TFRC: variants seen among roughly 807,000 people sequenced by gnomAD.
TFRC encodes transferrin receptor.
Under a neutral mutation model 85.8 loss-of-function variants are expected in TFRC, and 35 were observed. That is an observed-to-expected ratio of 0.41 (90% CI 0.31 to 0.54). The LOEUF (loss-of-function observed/expected upper bound fraction) is 0.54. TFRC is among the 20% of genes least tolerant of loss of function. The probability of loss-of-function intolerance (pLI) is 0.31; values close to 1 mark genes in which losing one functional copy is unlikely to be tolerated. For synonymous variants in TFRC, 362 were observed against 328.6 expected, an observed-to-expected ratio of 1.10 and a Z score of -1.10; for missense variants, 828 against 921.5, an observed-to-expected ratio of 0.90 and a Z score of 1.31.
In TFRC at chr3:196,051,157, A is replaced by G. The variant is rs770669857; in HGVS notation, c.*785T>C. Reference sequence around the variant, plus strand: ...GCATATTATTCTTTAAAGTCTGACAAACTGAGTCTGCAACTAAACACCTGA... The same window carrying G: ...GCATATTATTCTTTAAAGTCTGACAGACTGAGTCTGCAACTAAACACCTGA... On this transcript the variant is annotated 3_prime_UTR_variant, in exon 19 of 19. Transcript: ENST00000360110. 1 of 216,370 alleles carries G rather than the reference A, an allele frequency of 4.6e-6. No homozygotes were observed. Among genetic ancestry groups the G allele is most frequent in the Non-Finnish European group, 9.3e-6 (1 of 107,236 alleles). 13.4% of individuals were successfully genotyped at this position (216,370 alleles called of 1,614,324 possible).
rs2108646879 is a variant in TFRC at position 196,065,533 on chromosome 3, T to C, written c.1108A>G (p.Ser370Gly). 1.2e-6 allele frequency: 2 copies of C among 1,612,830 alleles called. No individual in the cohort carries two copies. Among genetic ancestry groups the C allele is most frequent in the South Asian group, 1.1e-5 (1 of 90,968 alleles). ...DSTCRMVTSE[S>G]KNVKLTVSNV... ...CTCACAGTGAGCTTCACATTCTTGCTTTCTGAGGTTACCATCCTACATGTA... is the reference window on the plus strand; with the variant it reads ...CTCACAGTGAGCTTCACATTCTTGCCTTCTGAGGTTACCATCCTACATGTA... The change falls in exon 10 of 19, where the codon AGC (serine) becomes GGC (glycine). Residue 370 changes from serine to glycine, a missense_variant. Ser to Gly is a moderately conservative substitution (Grantham distance 56). Coordinates refer to ENST00000360110, the MANE Select transcript of TFRC (RefSeq NM_001128148.3).
At chr3:196,073,351 C>G (rs1202440510) in intron 4 of TFRC, among the ~76,000 whole-genome samples, 2 of 150,658 alleles carry the variant, frequency 1.3e-5, no homozygotes, top group African/African-American at 4.9e-5. Flanking sequence ...CCCAGCTACT[C>G]AGGAGGCTAT....
At chr3:196,060,684 G>C (rs1717200271) in intron 13 of TFRC, 1 of 154,912 alleles carries the variant, frequency 6.5e-6, no homozygotes. Flanking sequence ...TGTAGTCCCA[G>C]CTACTCGGGA....
At chr3:196,064,891 TTAGAA>T (rs1717584830) in intron 10 of TFRC, among the ~76,000 whole-genome samples, 1 of 152,222 alleles carries the variant, frequency 6.6e-6, no homozygotes, top group Non-Finnish European at 1.5e-5. Context: ...AGTCAATAAC[TTAGAA>T]TAGATTTTCT....
rs1175339938 is a variant in TFRC, at chr3:196,073,869, C to T, written c.434+61G>A. ...CACAGTGTCACCATTATTGTTTCCCCGTGGCCTATCATAATTCTTGAATTA... is the reference window on the plus strand; with the variant it reads ...CACAGTGTCACCATTATTGTTTCCCTGTGGCCTATCATAATTCTTGAATTA... On this transcript the variant is annotated intron_variant, in intron 4 of 18. Coordinates refer to ENST00000360110, the MANE Select transcript of TFRC (RefSeq NM_001128148.3). 6.0e-6 allele frequency: 9 copies of T among 1,511,670 alleles called. No homozygotes were observed. The African/African-American group carries it at 8.2e-5, about 14-fold the overall frequency. 93.6% of individuals were successfully genotyped at this position (1,511,670 alleles called of 1,614,324 possible).
intron 5 of TFRC, 131 bp from the exon 6 acceptor site, chr3:196,071,629 T>G: frequency 1.0e-6 from 1 of 988,122 alleles, no homozygotes; most frequent in Non-Finnish European, 1.5e-6. Context: ...GATTTTTATT[T>G]TAAAAGCCTT....
chr3:196,053,856 G>T, intron 17 of TFRC, among the ~76,000 whole-genome samples: 1 of 152,140 alleles, frequency 6.6e-6, no homozygotes, highest in East Asian at 1.9e-4. Context: ...GTCCCTATAG[G>T]GGAAAACATT....
chr3:196,077,600 A>C (rs1463803033), intron 1 of TFRC, among the ~76,000 whole-genome samples: 1 of 152,070 alleles, frequency 6.6e-6, no homozygotes, highest in Admixed American at 6.5e-5. Flanking sequence ...AAAAATACAA[A>C]AATTAGCCGG....
At position 196,071,427 on chromosome 3, in the gene TFRC, T is replaced by C. The variant is rs1718194096; in HGVS notation, c.656A>G (p.Tyr219Cys). Reference protein sequence around the residue: ...LVYLVENPGGYVAYSKAATVT... With the variant: ...LVYLVENPGGCVAYSKAATVT... ...TGTTGCAGCCTTACTATACGCCACA[T>C]AACCCCCAGGATTCTCCACCAGGTA... The change falls in exon 6 of 19, where the codon TAT (tyrosine) becomes TGT (cysteine). Residue 219 changes from tyrosine to cysteine, a missense_variant. By Grantham distance (194) the Tyr-to-Cys change is radical. Transcript: ENST00000360110. 1.9e-6 allele frequency: 3 copies of C among 1,614,120 alleles called. No individual in the cohort carries two copies. Among genetic ancestry groups the C allele is most frequent in the Non-Finnish European group, 2.5e-6 (3 of 1,179,970 alleles).
chr3:196,063,396 CAAG>C (rs1717447159), intron 11 of TFRC: 1 of 154,088 alleles, frequency 6.5e-6, no homozygotes, highest in African/African-American at 2.4e-5. Flanking sequence ...ATTTAAGTTA[CAAG>C]AAGAGTTTGC....
In TFRC at chr3:196,049,699, A is replaced by G; in HGVS notation, c.*2243T>C. 4.3e-6 allele frequency: 1 copy of G among 230,204 alleles called. No homozygotes were observed. Among genetic ancestry groups the G allele is most frequent in the African/African-American group, 2.2e-5 (1 of 45,302 alleles). 14.3% of individuals were successfully genotyped at this position (230,204 alleles called of 1,614,324 possible). ...TATTGTGTTATACGATGAACATGCCACATGCTTTCATTTAAGTACGTGTGC... is the reference window on the plus strand; with the variant it reads ...TATTGTGTTATACGATGAACATGCCGCATGCTTTCATTTAAGTACGTGTGC... On this transcript the variant is annotated 3_prime_UTR_variant, in exon 19 of 19. Coordinates refer to ENST00000360110, the MANE Select transcript of TFRC (RefSeq NM_001128148.3).
intron 1 of TFRC, among the ~76,000 whole-genome samples, chr3:196,078,699 T>C (rs1718911747): frequency 6.6e-6 from 1 of 151,846 alleles, no homozygotes; most frequent in African/African-American, 2.4e-5. Context: ...CTAAAACCTA[T>C]TACAAAAAAT....
intron 2 of TFRC, among the ~76,000 whole-genome samples, chr3:196,076,142 T>C (rs970264575): frequency 6.6e-6 from 1 of 151,680 alleles, no homozygotes; most frequent in Non-Finnish European, 1.5e-5. Flanking sequence ...AGACTCCATC[T>C]CAAAAAATAA....
chr3:196,059,652 G>C (rs190286597), intron 14 of TFRC, among the ~76,000 whole-genome samples: 21 of 151,122 alleles, frequency 1.4e-4, no homozygotes. Flanking sequence ...TAGGGTACAT[G>C]TGCACATTGT....
intron 9 of TFRC, 110 bp downstream of exon 9, chr3:196,067,408 T>A (rs1312571260): frequency 1.6e-6 from 2 of 1,249,978 alleles, no homozygotes; most frequent in Non-Finnish European, 2.2e-6. Context: ...TCCTCCAAAT[T>A]CCCAAATGTG....
At chr3:196,058,201 C>T (rs1716973188) in intron 16 of TFRC, 83 bp downstream of exon 16, 2 of 1,082,174 alleles carry the variant, frequency 1.8e-6, no homozygotes, top group Admixed American at 3.9e-5. Context: ...CAGGCATTCC[C>T]ATTGCAATGC....
At chr3:196,052,309 T>A in intron 18 of TFRC, 125 bp from the exon 19 acceptor site, 2 of 1,151,794 alleles carry the variant, frequency 1.7e-6, no homozygotes, top group Non-Finnish European at 1.2e-6. Context: ...TTTTTTTTTT[T>A]TTTTTTGACA....
At chr3:196,066,233 T>C (rs1717731573) in intron 9 of TFRC, among the ~76,000 whole-genome samples, 1 of 152,228 alleles carries the variant, frequency 6.6e-6, no homozygotes, top group African/African-American at 2.4e-5. Flanking sequence ...AGAATATTAA[T>C]ACACTTTTAT....
intron 7 of TFRC, among the ~76,000 whole-genome samples, chr3:196,068,468 G>A (rs1394141446): frequency 6.6e-6 from 1 of 150,686 alleles, no homozygotes; most frequent in Non-Finnish European, 1.5e-5. Flanking sequence ...AAAATTAACT[G>A]GGCGCAGTGG....
Sources: allele counts gnomAD v4.1 joint callset (sites outside exome capture counted in the v4.1 genomes callset), GRCh38; gene constraint gnomAD v4.1.1; transcripts MANE v1.5; gene names NCBI Gene and HGNC (gene_info 2026-07-23, HGNC 2026-07-21).